Variants in FUT8 observed in about 807,000 individuals in gnomAD.
The protein encoded by FUT8 is fucosyltransferase 8.
Under a neutral mutation model 71.3 loss-of-function variants are expected in FUT8, and 29 were observed. The observed-to-expected ratio is 0.41, with a 90% confidence interval of 0.30 to 0.55. The LOEUF (loss-of-function observed/expected upper bound fraction) is 0.55. FUT8 is among the 20% of genes least tolerant of loss of function. FUT8 has a pLI of 0.34. For synonymous variants in FUT8, 254 were observed against 239.3 expected (o/e 1.06, Z -0.57); for missense variants, 544 against 702.1 (o/e 0.77, Z 2.55).
intron 2 of FUT8, chr14:65,471,097 T>C (rs1163310237): frequency 4.3e-6 from 2 of 466,978 alleles, no homozygotes; most frequent in South Asian, 3.1e-5. Context: ...ACTGATGTGG[T>C]GGTAAGGGTA....
At chr14:65,431,767 C>T (rs1283422857) in intron 1 of FUT8, among the ~76,000 whole-genome samples, 1 of 151,776 alleles carries the variant, frequency 6.6e-6, no homozygotes, top group African/African-American at 2.4e-5. Context: ...CATTTGGTGT[C>T]AGGGATATGC....
rs1888402624 is a variant in FUT8 at position 65,603,281 on chromosome 14, G to T, written c.204-12697G>T. Among the ~76,000 whole-genome samples the T allele has an allele frequency of 6.6e-6, 1 of 151,684 alleles. No individual in the cohort carries two copies. The highest frequency in any genetic ancestry group is 1.5e-5 in the Non-Finnish European group (1 of 67,858). On this transcript the variant is annotated intron_variant, in intron 3 of 10. Coordinates refer to ENST00000673929, the MANE Select transcript of FUT8 (RefSeq NM_001371533.1). The surrounding 1 kb of genome is among the most constrained non-coding windows in gnomAD (Gnocchi z 4.5). ...TGTTTGCTTTGTCGAAGATCAGTTG[G>T]CTGTAAGTATTTGGGTTTTTTTCTG...
intron 6 of FUT8, among the ~76,000 whole-genome samples, chr14:65,632,077 A>G (rs1325055458): frequency 1.3e-5 from 2 of 152,352 alleles, no homozygotes; most frequent in African/African-American, 4.8e-5. Flanking sequence ...ATATACATAT[A>G]CATATACACA....
upstream of FUT8, chr14:65,411,939 C>G (rs957964704): frequency 2.3e-6 from 1 of 437,254 alleles, no homozygotes; most frequent in African/African-American, 2.0e-5. Flanking sequence ...CTGGGGCAGC[C>G]CTTCGGTCCA....
Position 65,446,130 on chromosome 14 carries a change from C to T in FUT8, c.-325-9491C>T, listed in dbSNP as rs1421174944. ...ATATATGTATATTTTGAATTTGATACGTCTTTTAAGCCTTTTAATCTACAG... is the reference window on the plus strand; with the variant it reads ...ATATATGTATATTTTGAATTTGATATGTCTTTTAAGCCTTTTAATCTACAG... On this transcript the variant is annotated intron_variant, in intron 1 of 10. Transcript: ENST00000673929. 2.6e-5 allele frequency among the ~76,000 whole-genome samples: 4 copies of T among 152,146 alleles called. No individual in the cohort carries two copies. The South Asian group carries it at 6.2e-4, about 24-fold the overall frequency.
At chr14:65,390,027 G>C in the FUT8 span, among the ~76,000 whole-genome samples, 10 of 151,236 alleles carry the variant, frequency 6.6e-5, no homozygotes, top group Non-Finnish European at 3.0e-5. Flanking sequence ...TGTAATCCCA[G>C]CTACTTGGGA....
At chr14:65,718,802 G>A (rs1489852934) in intron 7 of FUT8, among the ~76,000 whole-genome samples, 2 of 152,062 alleles carry the variant, frequency 1.3e-5, no homozygotes, top group Non-Finnish European at 1.5e-5. Context: ...CTTTTGGCCT[G>A]TAATGTTTCC....
the FUT8 span, among the ~76,000 whole-genome samples, chr14:65,370,409 C>G: frequency 6.6e-6 from 1 of 151,378 alleles, no homozygotes; most frequent in Admixed American, 6.6e-5. Context: ...GGGGTTTCAC[C>G]GTGTCAGCCA....
Position 65,660,199 on chromosome 14 carries a change from A to C in FUT8, c.598-9044A>C, listed in dbSNP as rs942669226. 6.6e-5 allele frequency among the ~76,000 whole-genome samples: 10 copies of C among 152,088 alleles called. No individual in the cohort carries two copies. Among genetic ancestry groups the C allele is most frequent in the African/African-American group, 2.4e-4 (10 of 41,426 alleles). On this transcript the variant is annotated intron_variant, in intron 6 of 10. Transcript: ENST00000673929. The surrounding 1 kb of genome is among the most constrained non-coding windows in gnomAD (Gnocchi z 4.1). Reference sequence around the variant, plus strand: ...CTAGCATGCAAGTCTCTTGAAACTAAGTTGAGGGTTTTCTAGAGACCACCT... The same window carrying C: ...CTAGCATGCAAGTCTCTTGAAACTACGTTGAGGGTTTTCTAGAGACCACCT...
chr14:65,710,640 G>A (rs549846347), intron 7 of FUT8, among the ~76,000 whole-genome samples: 30 of 152,006 alleles, frequency 2.0e-4, no homozygotes, highest in Non-Finnish European at 3.2e-4. Flanking sequence ...TCTGGATGAG[G>A]GTTTTGAACT....
the FUT8 span, among the ~76,000 whole-genome samples, chr14:65,388,193 A>G: frequency 6.6e-6 from 1 of 152,226 alleles, no homozygotes; most frequent in African/African-American, 2.4e-5. Context: ...AGGAGGGAAG[A>G]TTTGTGTTTT....
intron 1 of FUT8, among the ~76,000 whole-genome samples, chr14:65,452,540 T>C (rs367565292): frequency 2.6e-4 from 40 of 152,130 alleles, no homozygotes; most frequent in African/African-American, 9.2e-4. Flanking sequence ...AGCTGGGAGA[T>C]TGGGGGGCCA....
chr14:65,576,172 T>G (rs1017671132), intron 3 of FUT8, among the ~76,000 whole-genome samples: 1 of 152,186 alleles, frequency 6.6e-6, no homozygotes, highest in African/African-American at 2.4e-5. Context: ...AAGTCTACCT[T>G]TCTCTGTTTT....
At chr14:65,504,589 T>G (rs2066696315) in intron 2 of FUT8, among the ~76,000 whole-genome samples, 1 of 152,226 alleles carries the variant, frequency 6.6e-6, no homozygotes, top group Non-Finnish European at 1.5e-5. Flanking sequence ...AATACTTTTT[T>G]TCTCTTTTTA....
chr14:65,525,739 C>T (rs1883419764), intron 2 of FUT8, among the ~76,000 whole-genome samples: 1 of 152,178 alleles, frequency 6.6e-6, no homozygotes, highest in African/African-American at 2.4e-5. Flanking sequence ...TTAAATGTGT[C>T]CCAGAGATTC....
At chr14:65,614,026 A>G (rs1233287963) in intron 3 of FUT8, among the ~76,000 whole-genome samples, 1 of 151,690 alleles carries the variant, frequency 6.6e-6, no homozygotes, top group Non-Finnish European at 1.5e-5. Context: ...AGGCACGAGA[A>G]TCATTTGAAT....
chr14:65,442,287 T>G (rs74897779), intron 1 of FUT8, among the ~76,000 whole-genome samples: 20,230 of 151,618 alleles, frequency 0.13, 1,787 homozygotes, highest in Middle Eastern at 0.21. Context: ...GTGATTCTCC[T>G]GCCTCAGCCT....
intron 7 of FUT8, among the ~76,000 whole-genome samples, chr14:65,675,697 G>A (rs1398240303): frequency 6.6e-6 from 1 of 152,166 alleles, no homozygotes; most frequent in African/African-American, 2.4e-5. Flanking sequence ...CACATTAGAT[G>A]TAATAAGAGA....
chr14:65,527,105 G>T (rs1342476891), intron 2 of FUT8, among the ~76,000 whole-genome samples: 2 of 152,106 alleles, frequency 1.3e-5, no homozygotes, highest in Non-Finnish European at 2.9e-5. Flanking sequence ...TTTGAATGTT[G>T]GCCTGCCTTG....
Sources: gnomAD v4.1 joint callset for allele counts (sites outside exome capture counted in the v4.1 genomes callset) on GRCh38, gnomAD v4.1.1 for gene constraint, Gnocchi (gnomAD v3.1) non-coding constraint, MANE v1.5 for transcripts, NCBI Gene and HGNC (gene_info 2026-07-23, HGNC 2026-07-21) for gene names.